The following CNTNAP2 variants were observed in gnomAD, a reference collection of about 807,000 sequenced individuals.
CNTNAP2 encodes the protein contactin-associated protein-like 2.
Under a neutral mutation model 155.2 loss-of-function variants are expected in CNTNAP2, and 98 were observed. The observed-to-expected ratio is 0.63, with a 90% CI of 0.54 to 0.75. CNTNAP2 has a LOEUF of 0.75. Among genes scored for constraint, CNTNAP2 ranks in the 30% least tolerant of loss-of-function variants. The pLI is 0.00. For synonymous variants in CNTNAP2, 651 were observed against 631.2 expected (o/e 1.03, Z -0.47); for missense variants, 1,727 against 1,688.1 (o/e 1.02, Z -0.40).
intron 21 of CNTNAP2, among the ~76,000 whole-genome samples, chr7:148,359,485 A>G (rs1798579377): frequency 6.6e-6 from 1 of 152,234 alleles, no homozygotes; most frequent in African/African-American, 2.4e-5. Context: ...TCCGTGTGAC[A>G]TAGTCATTCT....
At chr7:148,049,886 G>A (rs964560483) in intron 15 of CNTNAP2, among the ~76,000 whole-genome samples, 2 of 152,132 alleles carry the variant, frequency 1.3e-5, no homozygotes, top group Admixed American at 1.3e-4. Flanking sequence ...AAACAGGCAG[G>A]GTACAGTGGC....
chr7:146,511,970 A>G (rs1340039454), intron 1 of CNTNAP2, among the ~76,000 whole-genome samples: 1 of 151,892 alleles, frequency 6.6e-6, no homozygotes, highest in Non-Finnish European at 1.5e-5. Flanking sequence ...GTCTGTTCAG[A>G]TGTTCTATTT....
At chr7:147,550,643 G>A (rs1458098597) in intron 11 of CNTNAP2, among the ~76,000 whole-genome samples, 1 of 152,210 alleles carries the variant, frequency 6.6e-6, no homozygotes, top group Non-Finnish European at 1.5e-5. Flanking sequence ...GATGTGGGGA[G>A]AGGAGCAGTC....
chr7:147,835,674 A>G (rs1798621084), intron 13 of CNTNAP2, among the ~76,000 whole-genome samples: 1 of 152,228 alleles, frequency 6.6e-6, no homozygotes, highest in African/African-American at 2.4e-5. Context: ...ACCTGTGAAC[A>G]TGACCTTACT....
At chr7:146,618,270 C>A (rs1003380856) in intron 1 of CNTNAP2, among the ~76,000 whole-genome samples, 1 of 152,042 alleles carries the variant, frequency 6.6e-6, no homozygotes, top group African/African-American at 2.4e-5. Context: ...ACCTTTGAAT[C>A]TCATAGTAAA....
At chr7:147,779,269 G>A (rs1477243611) in intron 13 of CNTNAP2, among the ~76,000 whole-genome samples, 2 of 152,150 alleles carry the variant, frequency 1.3e-5, no homozygotes, top group Non-Finnish European at 2.9e-5. Flanking sequence ...TAGTATTTAT[G>A]GGCATCAACT....
intron 13 of CNTNAP2, among the ~76,000 whole-genome samples, chr7:147,834,100 C>T (rs1485178760): frequency 6.6e-6 from 1 of 152,054 alleles, no homozygotes; most frequent in African/African-American, 2.4e-5. Flanking sequence ...CTCTTTAGCT[C>T]CTCTGCTGAC....
At chr7:147,470,275 TAA>T (rs1798193442) in intron 10 of CNTNAP2, among the ~76,000 whole-genome samples, 1 of 152,172 alleles carries the variant, frequency 6.6e-6, no homozygotes, top group Non-Finnish European at 1.5e-5. Flanking sequence ...TGGATGAGAA[TAA>T]TAGCAGTAGA....
Position 147,015,782 on chromosome 7 carries a change from T to C in CNTNAP2, c.403-28125T>C, listed in dbSNP as rs1798713930. Among the ~76,000 whole-genome samples the C allele has an allele frequency of 5.3e-5, 8 of 152,112 alleles. 1 individual carries two copies. Among genetic ancestry groups the C allele is most frequent in the Admixed American group, 3.9e-4 (6 of 15,236 alleles). ...TCAGATATCTCTTAAACTATCATGT[T>C]CTGTTCACATTCGTCACCATCAAAC... On this transcript the variant is annotated intron_variant, in intron 3 of 23. Coordinates refer to ENST00000361727, the MANE Select transcript of CNTNAP2 (RefSeq NM_014141.6).
intron 20 of CNTNAP2, among the ~76,000 whole-genome samples, chr7:148,265,325 G>T (rs570559636): frequency 6.6e-6 from 1 of 152,314 alleles, no homozygotes; most frequent in East Asian, 1.9e-4. Context: ...CTAGGCTGGA[G>T]CACAGTGGCA....
intron 9 of CNTNAP2, among the ~76,000 whole-genome samples, chr7:147,377,144 C>T: frequency 6.6e-6 from 1 of 150,706 alleles, no homozygotes; most frequent in East Asian, 1.9e-4. Context: ...TCTCCCCCCC[C>T]TTTTGGTTGA....
chr7:148,360,505 T>G (rs1339286470), intron 21 of CNTNAP2, among the ~76,000 whole-genome samples: 2 of 152,202 alleles, frequency 1.3e-5, no homozygotes, highest in African/African-American at 4.8e-5. Flanking sequence ...AGTAAACCCT[T>G]GTAACTGTGC....
intron 23 of CNTNAP2, among the ~76,000 whole-genome samples, chr7:148,409,792 C>T (rs1214115880): frequency 8.3e-6 from 1 of 119,918 alleles, no homozygotes; most frequent in Non-Finnish European, 1.8e-5. Context: ...TGGCTCACGC[C>T]TGTAATCCCA....
chr7:146,337,560 G>C (rs933636632), intron 1 of CNTNAP2, among the ~76,000 whole-genome samples: 1 of 152,196 alleles, frequency 6.6e-6, no homozygotes, highest in African/African-American at 2.4e-5. Flanking sequence ...CCAGGCTCAT[G>C]TGATACTCCA....
chr7:146,916,781 T>C (rs1796403404), intron 3 of CNTNAP2, among the ~76,000 whole-genome samples: 2 of 152,128 alleles, frequency 1.3e-5, no homozygotes, highest in Admixed American at 6.5e-5. Context: ...TTTTGTATCA[T>C]TTATCTTTTG....
chr7:146,973,760 T>A (rs771002848), intron 3 of CNTNAP2, among the ~76,000 whole-genome samples: 1 of 152,230 alleles, frequency 6.6e-6, no homozygotes, highest in Non-Finnish European at 1.5e-5. Flanking sequence ...AATTTCCTGG[T>A]ATCCCTCTCA....
chr7:148,132,368 AC>A (rs1804848400), intron 16 of CNTNAP2, among the ~76,000 whole-genome samples: 1 of 149,338 alleles, frequency 6.7e-6, no homozygotes, highest in South Asian at 2.1e-4. Flanking sequence ...TTGCTGTTTT[AC>A]CTTTAATTTT....
intron 8 of CNTNAP2, among the ~76,000 whole-genome samples, chr7:147,271,076 C>A (rs568420544): frequency 2.4e-3 from 372 of 152,032 alleles, no homozygotes; most frequent in Non-Finnish European, 4.3e-3. Flanking sequence ...CTTTGGGTAA[C>A]GTTATTGAAC....
chr7:146,598,741 A>G (rs1391898060), intron 1 of CNTNAP2, among the ~76,000 whole-genome samples: 1 of 151,994 alleles, frequency 6.6e-6, no homozygotes, highest in Non-Finnish European at 1.5e-5. Context: ...CTCTATGTAA[A>G]TCACTCTTTA....
Sources: gnomAD v4.1 joint callset for allele counts (sites outside exome capture counted in the v4.1 genomes callset) on GRCh38, gnomAD v4.1.1 for gene constraint, MANE v1.5 for transcripts, NCBI Gene and HGNC (gene_info 2026-07-23, HGNC 2026-07-21) for gene names.